The following GPC5 variants were observed in gnomAD, a reference collection of about 807,000 sequenced individuals.
The protein encoded by GPC5 is glypican-5.
Under a neutral mutation model 53.9 loss-of-function variants are expected in GPC5, and 47 were observed. The ratio of observed to expected loss-of-function variants is 0.87; its 90% CI spans 0.69 to 1.11. The LOEUF (loss-of-function observed/expected upper bound fraction) is 1.11. Among genes scored for constraint, GPC5 ranks in the 50% most tolerant of loss-of-function variants. The probability of loss-of-function intolerance (pLI) is 0.00; values close to 1 mark genes in which losing one functional copy is unlikely to be tolerated. For synonymous variants in GPC5, 286 were observed against 263.3 expected (o/e 1.09, Z -0.84); for missense variants, 748 against 713.1 (o/e 1.05, Z -0.56).
chr13:92,457,986 G>A (rs919212117), intron 7 of GPC5, among the ~76,000 whole-genome samples: 4 of 151,992 alleles, frequency 2.6e-5, no homozygotes, highest in African/African-American at 9.7e-5. Context: ...GCTAAATTGA[G>A]GTAATCAAGA....
At chr13:91,547,986 T>G (rs1287548173) in intron 2 of GPC5, among the ~76,000 whole-genome samples, 1 of 152,062 alleles carries the variant, frequency 6.6e-6, no homozygotes, top group African/African-American at 2.4e-5. Context: ...AAAGAATATC[T>G]CTAAAAAACC....
At chr13:92,311,999 G>C (rs556248793) in intron 7 of GPC5, among the ~76,000 whole-genome samples, 1 of 152,220 alleles carries the variant, frequency 6.6e-6, no homozygotes, top group Non-Finnish European at 1.5e-5. Flanking sequence ...AAAGCTGAGA[G>C]AACAAGGAGA....
chr13:91,961,317 T>C (rs1390249045), intron 6 of GPC5, among the ~76,000 whole-genome samples: 1 of 151,824 alleles, frequency 6.6e-6, no homozygotes, highest in Non-Finnish European at 1.5e-5. Context: ...ATGTAGCAAT[T>C]TAAAAAGATA....
chr13:92,222,856 G>A (rs1221263594), intron 7 of GPC5, among the ~76,000 whole-genome samples: 2 of 152,056 alleles, frequency 1.3e-5, no homozygotes, highest in Non-Finnish European at 2.9e-5. Context: ...GACAAAATTA[G>A]CATGTATTCA....
chr13:92,621,003 A>G (rs1290952094), intron 7 of GPC5, among the ~76,000 whole-genome samples: 2 of 152,158 alleles, frequency 1.3e-5, no homozygotes, highest in African/African-American at 4.8e-5. Flanking sequence ...GTCAATGTAA[A>G]ATTCTCATTT....
intron 7 of GPC5, among the ~76,000 whole-genome samples, chr13:92,370,093 T>C (rs902168758): frequency 3.3e-5 from 5 of 152,204 alleles, no homozygotes; most frequent in African/African-American, 1.2e-4. Flanking sequence ...TTAATTTGAT[T>C]AAAACAAACT....
chr13:91,624,643 C>T (rs922752168), intron 2 of GPC5, among the ~76,000 whole-genome samples: 1 of 151,864 alleles, frequency 6.6e-6, no homozygotes, highest in African/African-American at 2.4e-5. Flanking sequence ...TATAGGAACA[C>T]TGCTAAAAAT....
At chr13:92,262,041 C>T (rs760165255) in intron 7 of GPC5, among the ~76,000 whole-genome samples, 1 of 152,008 alleles carries the variant, frequency 6.6e-6, no homozygotes, top group Non-Finnish European at 1.5e-5. Context: ...AAAAGAATTA[C>T]AGCTTTAATG....
chr13:92,855,941 C>T (rs1042560437), intron 7 of GPC5, among the ~76,000 whole-genome samples: 2 of 152,050 alleles, frequency 1.3e-5, no homozygotes, highest in African/African-American at 4.8e-5. Context: ...CAAAGAGAAG[C>T]TGGTACCAGT....
chr13:91,579,206 G>A (rs908129679), intron 2 of GPC5, among the ~76,000 whole-genome samples: 1 of 152,162 alleles, frequency 6.6e-6, no homozygotes, highest in African/African-American at 2.4e-5. Context: ...AGCCATACAG[G>A]TTTCCCTCGG....
intron 4 of GPC5, among the ~76,000 whole-genome samples, chr13:91,749,866 A>G (rs2037132293): frequency 6.6e-6 from 1 of 152,252 alleles, no homozygotes; most frequent in Non-Finnish European, 1.5e-5. Context: ...GCTGGAGTGC[A>G]GTGGCACAGT....
Position 91,445,375 on chromosome 13 carries a change from C to T in GPC5, c.164-3386C>T, listed in dbSNP as rs1314228817. ...GCATAGACAGCGGAGATCTCCTGGA[C>T]AAAGGGGTGATCGACACCCCAGGTG... is the stretch of plus-strand genomic sequence containing the variant. On this transcript the variant is annotated intron_variant, in intron 1 of 7. Coordinates refer to ENST00000377067, the MANE Select transcript of GPC5 (RefSeq NM_004466.6). 3.3e-5 allele frequency among the ~76,000 whole-genome samples: 5 copies of T among 152,148 alleles called. No individual in the cohort carries two copies. In the East Asian group the frequency reaches 9.6e-4, roughly 29 times the overall value.
intron 2 of GPC5, among the ~76,000 whole-genome samples, chr13:91,574,666 G>C (rs769207533): frequency 2.0e-5 from 3 of 152,130 alleles, no homozygotes; most frequent in Non-Finnish European, 4.4e-5. Context: ...CGTGTGCCAA[G>C]TACTGAGGTG....
intron 7 of GPC5, among the ~76,000 whole-genome samples, chr13:92,648,971 G>C (rs1293747562): frequency 6.6e-6 from 1 of 152,074 alleles, no homozygotes; most frequent in Non-Finnish European, 1.5e-5. Context: ...ATAATAACCA[G>C]CTAGAACCTT....
At chr13:92,574,212 T>C (rs1242104032) in intron 7 of GPC5, among the ~76,000 whole-genome samples, 2 of 152,190 alleles carry the variant, frequency 1.3e-5, no homozygotes, top group African/African-American at 4.8e-5. Flanking sequence ...GTAGAAATCA[T>C]TTTTGCCAAG....
chr13:91,558,409 T>C (rs1350961193), intron 2 of GPC5, among the ~76,000 whole-genome samples: 2 of 152,158 alleles, frequency 1.3e-5, no homozygotes, highest in African/African-American at 2.4e-5. Context: ...TTAGTTTCAA[T>C]CTACCCATCA....
chr13:92,196,942 G>A (rs778653684), intron 7 of GPC5, among the ~76,000 whole-genome samples: 9 of 152,136 alleles, frequency 5.9e-5, no homozygotes, highest in Non-Finnish European at 1.2e-4. Flanking sequence ...TATTTATTTG[G>A]GTAGGCCTGC....
At chr13:92,665,494 C>G (rs755199817) in intron 7 of GPC5, among the ~76,000 whole-genome samples, 17 of 152,078 alleles carry the variant, frequency 1.1e-4, no homozygotes, top group Non-Finnish European at 2.2e-4. Flanking sequence ...GAAAATCAAG[C>G]CAACTGAGGT....
chr13:92,175,138 C>T (rs988717802), intron 7 of GPC5, among the ~76,000 whole-genome samples: 1 of 152,230 alleles, frequency 6.6e-6, no homozygotes, highest in Admixed American at 6.5e-5. Context: ...CAGGCGTGAG[C>T]CACTGTGCCT....
Sources: gnomAD v4.1 joint callset for allele counts (sites outside exome capture counted in the v4.1 genomes callset) on GRCh38, gnomAD v4.1.1 for gene constraint, MANE v1.5 for transcripts, NCBI Gene and HGNC (gene_info 2026-07-23, HGNC 2026-07-21) for gene names.